BCL2L1: variants seen among roughly 807,000 people sequenced by gnomAD.
The protein encoded by BCL2L1 is BCL2 like 1.
A neutral mutation model predicts 18.7 loss-of-function variants in BCL2L1; 1 was observed. That is an observed-to-expected ratio of 0.05 (90% confidence interval 0.02 to 0.25). The LOEUF (loss-of-function observed/expected upper bound fraction) is 0.25, where lower values mean the gene tolerates loss of function less well. Among genes scored for constraint, BCL2L1 ranks in the 10% least tolerant of loss-of-function variants. BCL2L1 has a pLI of 1.00. For missense variants in BCL2L1, 207 were observed against 304.9 expected (o/e 0.68, Z 2.39); for synonymous variants, 103 against 122.7 (o/e 0.84, Z 1.06).
intron 2 of BCL2L1, 49 bp from the exon 3 acceptor site, chr20:31,666,135 G>A (rs1369653334): frequency 6.9e-6 from 11 of 1,605,314 alleles, no homozygotes; most frequent in East Asian, 2.2e-5. Flanking sequence ...AGAGAGTGAT[G>A]TAGGTGGGTG....
At chr20:31,666,204 T>G in intron 2 of BCL2L1, 118 bp from the exon 3 acceptor site, 1 of 1,330,884 alleles carries the variant, frequency 7.5e-7, no homozygotes, top group Non-Finnish European at 1.0e-6. Flanking sequence ...TAGCCATCTG[T>G]GCCCACTCTG....
intron 2 of BCL2L1, among the ~76,000 whole-genome samples, chr20:31,704,523 GAC>G (rs1250798406): frequency 2.0e-5 from 3 of 152,176 alleles, no homozygotes; most frequent in African/African-American, 7.2e-5. Context: ...GAGCCATAAA[GAC>G]ACAGTTTCTG....
chr20:31,683,783 AAAAAAAAAAAAAAAAAAAAAAAAAG>A (rs2122556871), intron 2 of BCL2L1, among the ~76,000 whole-genome samples: 1 of 71,936 alleles, frequency 1.4e-5, no homozygotes, highest in East Asian at 2.0e-4. Context: ...AAAAAAAAAA[AAAAAAAAAAAAAAAAAAAAAAAAAG>A]AATGTGAACT....
chr20:31,682,724 G>A (rs2060885205), intron 2 of BCL2L1, among the ~76,000 whole-genome samples: 1 of 151,992 alleles, frequency 6.6e-6, no homozygotes, highest in Non-Finnish European at 1.5e-5. Context: ...CAAAGTGCTG[G>A]GATTATAGCT....
At chr20:31,719,864 G>A (rs1312835194) in intron 2 of BCL2L1, among the ~76,000 whole-genome samples, 2 of 152,178 alleles carry the variant, frequency 1.3e-5, no homozygotes, top group African/African-American at 4.8e-5. Context: ...ACAATAGTCA[G>A]GCAAAGTGGG....
intron 2 of BCL2L1, among the ~76,000 whole-genome samples, chr20:31,691,656 A>G (rs2061078097): frequency 6.6e-6 from 1 of 152,190 alleles, no homozygotes; most frequent in African/African-American, 2.4e-5. Context: ...TATATTTGTA[A>G]CATGCATAGA....
chr20:31,723,680 G>A, upstream of BCL2L1: 8 of 985,534 alleles, frequency 8.1e-6, no homozygotes, highest in Non-Finnish European at 9.6e-6. Context: ...GCGGGACGGC[G>A]AAGGCTCCTA....
At chr20:31,675,813 T>G (rs909200187) in intron 2 of BCL2L1, among the ~76,000 whole-genome samples, 1 of 152,158 alleles carries the variant, frequency 6.6e-6, no homozygotes, top group East Asian at 1.9e-4. Context: ...TCAGGGGGTG[T>G]CATAGAGGGC....
chr20:31,705,443 T>C (rs950471431), intron 2 of BCL2L1, among the ~76,000 whole-genome samples: 1 of 152,140 alleles, frequency 6.6e-6, no homozygotes, highest in Admixed American at 6.5e-5. Flanking sequence ...ACAGCTGATA[T>C]GTAATAGAGA....
intron 2 of BCL2L1, among the ~76,000 whole-genome samples, chr20:31,706,970 CAG>C (rs2122743491): frequency 6.6e-6 from 1 of 152,338 alleles, no homozygotes; most frequent in East Asian, 1.9e-4. Flanking sequence ...GGAAAAACTC[CAG>C]AGTTCCCACA....
chr20:31,670,126 G>A (rs1358152666), intron 2 of BCL2L1, among the ~76,000 whole-genome samples: 1 of 152,188 alleles, frequency 6.6e-6, no homozygotes, highest in Non-Finnish European at 1.5e-5. Context: ...AGGAATGTGG[G>A]AGCAGGGTTG....
chr20:31,664,561 G>C lies in BCL2L1; in HGVS notation c.*1388C>G, dbSNP rs567420266. ...TGGGGTGGGGGTTGGGGGAGGGGCA[G>C]ATGCCCCTCAGGAGCCAGGACCCTC... On this transcript the variant is annotated 3_prime_UTR_variant, in exon 3 of 3. Transcript: ENST00000307677. 1 of 199,574 alleles carries C rather than the reference G, an allele frequency of 5.0e-6. No homozygotes were observed. Among genetic ancestry groups the C allele is most frequent in the Admixed American group, 6.0e-5 (1 of 16,604 alleles). 12.4% of individuals were successfully genotyped at this position (199,574 alleles called of 1,614,324 possible).
intron 2 of BCL2L1, 83 bp downstream of exon 2, chr20:31,721,571 CA>C (rs777338612): frequency 7.5e-6 from 11 of 1,464,516 alleles, no homozygotes; most frequent in Admixed American, 2.3e-5. Flanking sequence ...CCCAACACAA[CA>C]GAAAGAGATA....
At chr20:31,709,710 C>A (rs2061423015) in intron 2 of BCL2L1, among the ~76,000 whole-genome samples, 1 of 151,638 alleles carries the variant, frequency 6.6e-6, no homozygotes, top group East Asian at 2.0e-4. Context: ...TGGCGGGCAC[C>A]TGTAGTCCCA....
At chr20:31,696,308 T>C (rs1012678328) in intron 2 of BCL2L1, among the ~76,000 whole-genome samples, 4 of 152,216 alleles carry the variant, frequency 2.6e-5, no homozygotes, top group African/African-American at 9.7e-5. Flanking sequence ...TCCTTGGCTT[T>C]CACAGCCCTG....
chr20:31,684,569 C>CAGA (rs1180381255), intron 2 of BCL2L1, among the ~76,000 whole-genome samples: 6 of 152,106 alleles, frequency 3.9e-5, no homozygotes, highest in African/African-American at 1.4e-4. Context: ...GTGAGCTGAG[C>CAGA]AGAAGCACCA....
In BCL2L1 at chr20:31,721,966, C is replaced by T. The variant is rs2061640983; in HGVS notation, c.253G>A (p.Ala85Thr). ...LDAREVIPMA[A>T]VKQALREAGD... ...GCCTCCCTCAGCGCTTGCTTTACTG[C>T]TGCCATGGGGATCACCTCCCGGGCA... is the stretch of plus-strand genomic sequence containing the variant. The change falls in exon 2 of 3, where the codon GCA becomes ACA. Residue 85 changes from alanine to threonine, a missense_variant. Physicochemically the swap from Ala to Thr is moderately conservative, Grantham distance 58. Transcript: ENST00000307677. The T allele has an allele frequency of 6.2e-7, 1 of 1,614,204 alleles. No homozygotes were observed. The highest frequency in any genetic ancestry group is 8.5e-7 in the Non-Finnish European group (1 of 1,180,030).
intron 2 of BCL2L1, among the ~76,000 whole-genome samples, chr20:31,709,321 G>A (rs2061415500): frequency 6.6e-6 from 1 of 152,126 alleles, no homozygotes; most frequent in South Asian, 2.1e-4. Context: ...CTGCTCGTGT[G>A]TGTGTGTGCG....
intron 2 of BCL2L1, among the ~76,000 whole-genome samples, chr20:31,680,525 G>A (rs550699721): frequency 1.3e-5 from 2 of 152,102 alleles, no homozygotes; most frequent in African/African-American, 4.8e-5. Flanking sequence ...TCTTTATCTT[G>A]GAAACAAAAG....
Sources: gnomAD v4.1 joint callset for allele counts (sites outside exome capture counted in the v4.1 genomes callset) on GRCh38, gnomAD v4.1.1 for gene constraint, MANE v1.5 for transcripts, NCBI Gene and HGNC (gene_info 2026-07-23, HGNC 2026-07-21) for gene names.